Variants in CACNA1D observed in about 807,000 individuals in gnomAD.
CACNA1D encodes calcium voltage-gated channel subunit alpha1 D, also known as voltage-dependent L-type calcium channel subunit alpha-1D.
CACNA1D carries 55 observed loss-of-function variants against 257.1 expected under a neutral mutation model. The ratio of observed to expected loss-of-function variants is 0.21; its 90% CI spans 0.17 to 0.27. The LOEUF is 0.27. Ranked by LOEUF, CACNA1D falls within the 10% of genes least tolerant of loss-of-function variation. The pLI is 1.00. For synonymous variants in CACNA1D, 980 were observed against 1,014.9 expected (o/e 0.97, Z 0.65); for missense variants, 1,876 against 2,784.0 (o/e 0.67, Z 7.34).
At chr3:53,591,330 G>C (rs1160358665) in intron 3 of CACNA1D, among the ~76,000 whole-genome samples, 1 of 152,166 alleles carries the variant, frequency 6.6e-6, no homozygotes, top group African/African-American at 2.4e-5. Flanking sequence ...TTGGCTCACT[G>C]TGACCTCCGC....
At chr3:53,503,656 T>C (rs1181552542) in intron 3 of CACNA1D, among the ~76,000 whole-genome samples, 2 of 152,236 alleles carry the variant, frequency 1.3e-5, no homozygotes, top group African/African-American at 4.8e-5. Context: ...ACCATTTGGA[T>C]TTCTCAGCTA....
In CACNA1D at chr3:53,521,898, C is replaced by T. The variant is rs963595257; in HGVS notation, c.483+20178C>T. 1.2e-4 allele frequency among the ~76,000 whole-genome samples: 18 copies of T among 149,702 alleles called. No homozygotes were observed. In the South Asian group the frequency reaches 1.3e-3, roughly 11 times the overall value. ...ATCCCAGTATTTTGAGAGGCTGAGG[C>T]AGGATTGCTTGAGGCCATGAGTTGG... On this transcript the variant is annotated intron_variant, in intron 3 of 47. Coordinates refer to ENST00000350061, the MANE Select transcript of CACNA1D (RefSeq NM_001128840.3).
At chr3:53,554,311 T>C (rs1296710187) in intron 3 of CACNA1D, among the ~76,000 whole-genome samples, 1 of 152,196 alleles carries the variant, frequency 6.6e-6, no homozygotes, top group East Asian at 1.9e-4. Flanking sequence ...GAATGTCTAG[T>C]ATTGTACCAC....
At chr3:53,505,126 T>G (rs1254886298) in intron 3 of CACNA1D, among the ~76,000 whole-genome samples, 1 of 147,482 alleles carries the variant, frequency 6.8e-6, no homozygotes, top group Non-Finnish European at 1.5e-5. Flanking sequence ...TTTTTTTTTT[T>G]TTTTTTTTTT....
intron 39 of CACNA1D, chr3:53,786,047 A>G (rs898649516): frequency 6.6e-6 from 1 of 152,354 alleles, no homozygotes; most frequent in Non-Finnish European, 1.5e-5. Flanking sequence ...TTACACGTCC[A>G]AAGTGGTTTA....
chr3:53,743,520 G>A (rs1020339776), intron 22 of CACNA1D, among the ~76,000 whole-genome samples: 1 of 152,190 alleles, frequency 6.6e-6, no homozygotes, highest in Non-Finnish European at 1.5e-5. Context: ...AGTTTTTCCA[G>A]CTTAGATATT....
At chr3:53,586,787 C>T (rs1319246820) in intron 3 of CACNA1D, among the ~76,000 whole-genome samples, 1 of 152,176 alleles carries the variant, frequency 6.6e-6, no homozygotes, top group East Asian at 1.9e-4. Flanking sequence ...AACAACTGCA[C>T]TGAACCTAGG....
Position 53,673,709 on chromosome 3 carries a change from A to G in CACNA1D, c.1220+583A>G. The G allele has an allele frequency of 6.3e-7, 1 of 1,596,442 alleles. No individual in the cohort carries two copies. The highest frequency in any genetic ancestry group is 1.7e-4 in the Middle Eastern group (1 of 6,030). ...CTGATAACTGATCTCCTTACATTTT[A>G]CAGGTAAATGATGCGATAGGATGGG... is the stretch of plus-strand genomic sequence containing the variant. On this transcript the variant is annotated intron_variant, in intron 8 of 47. Transcript: ENST00000350061. This position sits in a 1 kb window ranked among gnomAD's most constrained non-coding sequence, Gnocchi z 4.1.
chr3:53,774,101 C>T lies in CACNA1D; in HGVS notation c.4111-486C>T, dbSNP rs1170033115. On this transcript the variant is annotated intron_variant, in intron 33 of 47. Coordinates refer to ENST00000350061, the MANE Select transcript of CACNA1D (RefSeq NM_001128840.3). This position sits in a 1 kb window ranked among gnomAD's most constrained non-coding sequence, Gnocchi z 4.3. Reference sequence around the variant, plus strand: ...TCATCACACGTTATTTTCATTCCCTCGGTATCTATGCTGTCACCCTGCTCC... The same window carrying T: ...TCATCACACGTTATTTTCATTCCCTTGGTATCTATGCTGTCACCCTGCTCC... 1.7e-5 allele frequency: 3 copies of T among 172,170 alleles called. No individual in the cohort carries two copies. The highest frequency in any genetic ancestry group is 2.5e-5 in the Non-Finnish European group (2 of 79,906). 10.7% of individuals were successfully genotyped at this position (172,170 alleles called of 1,614,324 possible).
chr3:53,720,903 G>A (rs1050411694), intron 11 of CACNA1D, among the ~76,000 whole-genome samples: 2 of 152,196 alleles, frequency 1.3e-5, no homozygotes, highest in Non-Finnish European at 2.9e-5. Flanking sequence ...CCACTTCTAA[G>A]GTGTTTGTAT....
intron 3 of CACNA1D, among the ~76,000 whole-genome samples, chr3:53,606,012 C>G (rs572129511): frequency 6.6e-6 from 1 of 152,240 alleles, no homozygotes; most frequent in South Asian, 2.1e-4. Context: ...CTACTGTTAC[C>G]CCGTGACTTA....
At chr3:53,710,228 G>A (rs776185020) in intron 9 of CACNA1D, among the ~76,000 whole-genome samples, 2 of 152,180 alleles carry the variant, frequency 1.3e-5, no homozygotes, top group African/African-American at 4.8e-5. Flanking sequence ...CTTCCTCTCC[G>A]CTGTTCTGAT....
chr3:53,797,929 ATG>A (rs2095515237), intron 40 of CACNA1D: 1 of 152,116 alleles, frequency 6.6e-6, no homozygotes, highest in African/African-American at 2.4e-5. Context: ...ATTATAACCT[ATG>A]TTTATTTTGT....
At chr3:53,526,588 T>C (rs1302916085) in intron 3 of CACNA1D, among the ~76,000 whole-genome samples, 1 of 152,200 alleles carries the variant, frequency 6.6e-6, no homozygotes, top group Non-Finnish European at 1.5e-5. Context: ...TTCAAACACA[T>C]AGTGAATAAG....
At chr3:53,717,545 TCCTA>T (rs1167983256) in intron 9 of CACNA1D, among the ~76,000 whole-genome samples, 2 of 152,156 alleles carry the variant, frequency 1.3e-5, no homozygotes, top group African/African-American at 4.8e-5. Flanking sequence ...CCGCTCAGGA[TCCTA>T]CCATGGAGAA....
chr3:53,770,754 A>C (rs1576616569), intron 32 of CACNA1D, among the ~76,000 whole-genome samples: 1 of 152,332 alleles, frequency 6.6e-6, no homozygotes, highest in East Asian at 1.9e-4. Context: ...AAGGAAACAG[A>C]AGAGAAAGCA....
intron 3 of CACNA1D, among the ~76,000 whole-genome samples, chr3:53,631,146 C>G (rs1318094667): frequency 6.6e-6 from 1 of 152,156 alleles, no homozygotes; most frequent in Non-Finnish European, 1.5e-5. Context: ...TAGATTCTTC[C>G]TTTCATGAAA....
rs930856881 is a variant in CACNA1D, at chr3:53,775,792, T to A, written c.4203-94T>A. ...TTGGATTTTCTTCAAATGACTTAGG[T>A]TTTGCTCTAATTATGAGTTTTTCTC... On this transcript the variant is annotated intron_variant, in intron 34 of 47. Coordinates refer to ENST00000350061, the MANE Select transcript of CACNA1D (RefSeq NM_001128840.3). 2.5e-6 allele frequency: 3 copies of A among 1,201,186 alleles called. No homozygotes were observed. In the African/African-American group the frequency reaches 4.5e-5, roughly 18 times the overall value. The allele number at this position is 1,201,186 out of a possible 1,614,324, so 74.4% of individuals were successfully genotyped here.
intron 3 of CACNA1D, among the ~76,000 whole-genome samples, chr3:53,638,828 G>T (rs1477114154): frequency 6.6e-6 from 1 of 152,316 alleles, no homozygotes; most frequent in Admixed American, 6.5e-5. Context: ...AGCTGTGATT[G>T]GGTAGGGTGG....
Sources: gnomAD v4.1 joint callset for allele counts (sites outside exome capture counted in the v4.1 genomes callset) on GRCh38, gnomAD v4.1.1 for gene constraint, Gnocchi (gnomAD v3.1) non-coding constraint, MANE v1.5 for transcripts, NCBI Gene and HGNC (gene_info 2026-07-23, HGNC 2026-07-21) for gene names.